CNTNAP2: variants seen among roughly 807,000 people sequenced by gnomAD.
CNTNAP2 encodes the protein contactin associated protein 2.
CNTNAP2 carries 98 observed loss-of-function variants against 155.2 expected under a neutral mutation model. That is an observed-to-expected ratio of 0.63 (90% CI 0.54 to 0.75). The LOEUF is 0.75. CNTNAP2 is among the 30% of genes least tolerant of loss of function. CNTNAP2 has a pLI of 0.00. For missense variants in CNTNAP2, 1,727 were observed against 1,688.1 expected (o/e 1.02, Z -0.40); for synonymous variants, 651 against 631.2 (o/e 1.03, Z -0.47).
At chr7:147,209,976 G>C (rs1472143457) in intron 8 of CNTNAP2, among the ~76,000 whole-genome samples, 1 of 151,508 alleles carries the variant, frequency 6.6e-6, no homozygotes, top group Non-Finnish European at 1.5e-5. Flanking sequence ...TGCTGCTGGA[G>C]TCACAAAATA....
intron 1 of CNTNAP2, among the ~76,000 whole-genome samples, chr7:146,209,577 G>T (rs577268388): frequency 6.6e-6 from 1 of 152,240 alleles, no homozygotes; most frequent in African/African-American, 2.4e-5. Flanking sequence ...CCTTAAAGAA[G>T]AATGCTTATA....
intron 13 of CNTNAP2, among the ~76,000 whole-genome samples, chr7:147,646,823 C>G (rs761801250): frequency 2.0e-5 from 3 of 152,062 alleles, no homozygotes; most frequent in African/African-American, 2.4e-5. Flanking sequence ...TACAATCTTC[C>G]CATGTACTCA....
At chr7:147,060,106 A>G (rs1196521551) in intron 4 of CNTNAP2, among the ~76,000 whole-genome samples, 1 of 152,100 alleles carries the variant, frequency 6.6e-6, no homozygotes, top group Non-Finnish European at 1.5e-5. Flanking sequence ...TTCAATCACT[A>G]AGTGTAAAAA....
chr7:147,915,779 G>A (rs1452919610), intron 14 of CNTNAP2, among the ~76,000 whole-genome samples: 3 of 151,662 alleles, frequency 2.0e-5, no homozygotes, highest in African/African-American at 7.3e-5. Context: ...AGAAAAAAAA[G>A]GAAACTCTTA....
At chr7:147,612,022 T>C (rs1801197375) in intron 12 of CNTNAP2, among the ~76,000 whole-genome samples, 1 of 152,208 alleles carries the variant, frequency 6.6e-6, no homozygotes, top group South Asian at 2.1e-4. Context: ...GTCTTCAACT[T>C]ATCCACCGGG....
intron 9 of CNTNAP2, among the ~76,000 whole-genome samples, chr7:147,307,443 A>G (rs1350517923): frequency 7.6e-6 from 1 of 132,180 alleles, no homozygotes; most frequent in Non-Finnish European, 1.5e-5. Flanking sequence ...TTAGCCAGGC[A>G]TGGTGGCACA....
intron 3 of CNTNAP2, among the ~76,000 whole-genome samples, chr7:147,016,429 G>GA: frequency 6.6e-6 from 1 of 152,062 alleles, no homozygotes; most frequent in African/African-American, 2.4e-5. Flanking sequence ...GTCTTCTGTA[G>GA]AAAATCTATA....
chr7:147,201,550 A>G (rs6974986), intron 8 of CNTNAP2, among the ~76,000 whole-genome samples: 74,214 of 151,996 alleles, frequency 0.49, 18,928 homozygotes, highest in Middle Eastern at 0.65. Context: ...AGTCTTCTGC[A>G]TAGCTCCTTG....
intron 1 of CNTNAP2, among the ~76,000 whole-genome samples, chr7:146,459,240 C>T (rs1796601986): frequency 6.6e-6 from 1 of 152,144 alleles, no homozygotes; most frequent in Admixed American, 6.6e-5. Context: ...CTGACTCCTT[C>T]CATGGTTTTC....
chr7:146,878,660 T>A (rs1795478801), intron 3 of CNTNAP2, among the ~76,000 whole-genome samples: 1 of 152,150 alleles, frequency 6.6e-6, no homozygotes, highest in Admixed American at 6.6e-5. Flanking sequence ...ACAGCGCCTG[T>A]TTCTCTGACC....
intron 11 of CNTNAP2, among the ~76,000 whole-genome samples, chr7:147,515,706 TCAGGGA>T (rs1166768788): frequency 2.0e-5 from 3 of 152,202 alleles, no homozygotes. Context: ...TTACATGAGT[TCAGGGA>T]CTTTTACCTG....
At chr7:147,614,938 T>G (rs1016594691) in intron 12 of CNTNAP2, among the ~76,000 whole-genome samples, 1 of 151,716 alleles carries the variant, frequency 6.6e-6, no homozygotes, top group Non-Finnish European at 1.5e-5. Flanking sequence ...AAACCAAACT[T>G]GAATAACTCA....
chr7:146,396,154 G>T (rs1232341528), intron 1 of CNTNAP2, among the ~76,000 whole-genome samples: 7 of 152,024 alleles, frequency 4.6e-5, no homozygotes, highest in Non-Finnish European at 8.8e-5. Context: ...CTACTGCTCA[G>T]TTTTCTGGGG....
At chr7:146,593,984 A>G (rs997122514) in intron 1 of CNTNAP2, among the ~76,000 whole-genome samples, 5 of 152,094 alleles carry the variant, frequency 3.3e-5, no homozygotes, top group Non-Finnish European at 7.4e-5. Flanking sequence ...CCCACCCTCC[A>G]CTATCCTCCA....
At chr7:147,774,802 A>C (rs956478275) in intron 13 of CNTNAP2, among the ~76,000 whole-genome samples, 1 of 152,206 alleles carries the variant, frequency 6.6e-6, no homozygotes, top group Non-Finnish European at 1.5e-5. Context: ...ATCTTGTTAC[A>C]GCACCTGAAG....
intron 8 of CNTNAP2, among the ~76,000 whole-genome samples, chr7:147,270,466 T>C (rs1448369725): frequency 3.3e-5 from 5 of 152,236 alleles, no homozygotes; most frequent in African/African-American, 1.2e-4. Context: ...TTTTATTAAA[T>C]GTGGCTACTA....
In CNTNAP2 at chr7:147,138,451, G is replaced by C. The variant is rs185073398; in HGVS notation, c.1348+5942G>C. On this transcript the variant is annotated intron_variant, in intron 8 of 23. Transcript: ENST00000361727. ...TGCTGTGAGAGCCACATGGTACCAAGTAAAAGGCATTTGAGTCAATGGTAT... is the reference window on the plus strand; with the variant it reads ...TGCTGTGAGAGCCACATGGTACCAACTAAAAGGCATTTGAGTCAATGGTAT... 2.0e-5 allele frequency among the ~76,000 whole-genome samples: 3 copies of C among 152,076 alleles called. No homozygotes were observed. The East Asian group carries it at 5.8e-4, about 29-fold the overall frequency.
intron 1 of CNTNAP2, among the ~76,000 whole-genome samples, chr7:146,161,130 G>T (rs1038380487): frequency 1.3e-5 from 2 of 152,064 alleles, no homozygotes; most frequent in Admixed American, 1.3e-4. Context: ...TGCAGAAAAG[G>T]CCTTTGACAA....
chr7:147,468,149 G>A (rs1192419044), intron 10 of CNTNAP2, among the ~76,000 whole-genome samples: 1 of 151,968 alleles, frequency 6.6e-6, no homozygotes, highest in Non-Finnish European at 1.5e-5. Flanking sequence ...TAATTAGTTG[G>A]GTGTAGTGGC....
Sources: allele counts gnomAD v4.1 joint callset (sites outside exome capture counted in the v4.1 genomes callset), GRCh38; gene constraint gnomAD v4.1.1; transcripts MANE v1.5; gene names NCBI Gene and HGNC (gene_info 2026-07-23, HGNC 2026-07-21).